FLI1: variants seen among roughly 807,000 people sequenced by gnomAD.
FLI1 encodes Friend leukemia integration 1 transcription factor.
In FLI1, 13 loss-of-function variants were observed where a neutral mutation model predicts 53.1. That is an observed-to-expected ratio of 0.24 (90% CI 0.16 to 0.39). The LOEUF (loss-of-function observed/expected upper bound fraction) is 0.39. Ranked by LOEUF, FLI1 falls within the 10% of genes least tolerant of loss-of-function variation. FLI1 has a pLI of 1.00. For missense variants in FLI1, 424 were observed against 600.5 expected, an observed-to-expected ratio of 0.71 and a Z score of 3.07; for synonymous variants, 244 against 236.7, an observed-to-expected ratio of 1.03 and a Z score of -0.28.
chr11:128,696,651 A>T (rs1323353697), intron 1 of FLI1, among the ~76,000 whole-genome samples: 1 of 152,230 alleles, frequency 6.6e-6, no homozygotes, highest in African/African-American at 2.4e-5. Flanking sequence ...ATCCAGCCCT[A>T]CACTGATCGA....
chr11:128,731,446 A>G (rs1405419363), intron 1 of FLI1, among the ~76,000 whole-genome samples: 3 of 151,538 alleles, frequency 2.0e-5, no homozygotes, highest in South Asian at 2.1e-4. Context: ...CAAGAGGTCA[A>G]GTATGAAAGG....
At chr11:128,787,257 G>A (rs1007480084) in intron 5 of FLI1, among the ~76,000 whole-genome samples, 2 of 152,082 alleles carry the variant, frequency 1.3e-5, no homozygotes, top group African/African-American at 4.8e-5. Flanking sequence ...TGTGCCCTCT[G>A]GTGCCATCAC....
intron 1 of FLI1, among the ~76,000 whole-genome samples, chr11:128,730,102 A>T (rs528523443): frequency 6.6e-6 from 1 of 152,276 alleles, no homozygotes; most frequent in South Asian, 2.1e-4. Flanking sequence ...AAAATCTTGA[A>T]ATCTGGATTC....
intron 3 of FLI1, among the ~76,000 whole-genome samples, chr11:128,769,867 T>C (rs942235840): frequency 6.6e-6 from 1 of 152,210 alleles, no homozygotes; most frequent in Non-Finnish European, 1.5e-5. Flanking sequence ...CCCTCCTCAC[T>C]GAAAGCAGAC....
intron 1 of FLI1, among the ~76,000 whole-genome samples, chr11:128,703,792 G>A (rs1209954521): frequency 1.4e-5 from 2 of 138,502 alleles, no homozygotes; most frequent in East Asian, 2.2e-4. Context: ...GTGGTGAGCC[G>A]AGGTTGCAAC....
At chr11:128,715,452 A>G (rs977416826) in intron 1 of FLI1, among the ~76,000 whole-genome samples, 6 of 152,226 alleles carry the variant, frequency 3.9e-5, no homozygotes, top group Admixed American at 1.3e-4. Context: ...TGAAGGACTG[A>G]AAAAGTTGAG....
chr11:128,797,746 T>A (rs967622006), intron 5 of FLI1, among the ~76,000 whole-genome samples: 1 of 152,076 alleles, frequency 6.6e-6, no homozygotes, highest in African/African-American at 2.4e-5. Flanking sequence ...TTAAATCCAA[T>A]AAGTTGGTGA....
intron 1 of FLI1, among the ~76,000 whole-genome samples, chr11:128,719,842 C>T (rs900500316): frequency 1.3e-5 from 2 of 152,200 alleles, no homozygotes; most frequent in Admixed American, 1.3e-4. Flanking sequence ...ACATGGAAAA[C>T]CCACCCAAGG....
intron 4 of FLI1, among the ~76,000 whole-genome samples, chr11:128,779,004 A>G (rs1015680044): frequency 6.6e-6 from 1 of 152,244 alleles, no homozygotes; most frequent in Non-Finnish European, 1.5e-5. Flanking sequence ...CTCTCCTTCT[A>G]GGAGTGAAAC....
At chr11:128,794,115 C>T (rs747787321) in intron 5 of FLI1, among the ~76,000 whole-genome samples, 9 of 152,234 alleles carry the variant, frequency 5.9e-5, no homozygotes, top group African/African-American at 1.2e-4. Flanking sequence ...TGACACTACA[C>T]GCTCATCCCA....
At chr11:128,720,815 C>T (rs1939221388) in intron 1 of FLI1, among the ~76,000 whole-genome samples, 1 of 152,228 alleles carries the variant, frequency 6.6e-6, no homozygotes, top group African/African-American at 2.4e-5. Flanking sequence ...CCCCTCACAG[C>T]AACAGGGTCA....
chr11:128,711,825 C>T (rs2135719328), intron 1 of FLI1, among the ~76,000 whole-genome samples: 1 of 152,310 alleles, frequency 6.6e-6, no homozygotes, highest in African/African-American at 2.4e-5. Flanking sequence ...GTTCCCAGAT[C>T]CCTATAACCG....
At chr11:128,735,611 C>T (rs987237887) in intron 1 of FLI1, among the ~76,000 whole-genome samples, 2 of 152,194 alleles carry the variant, frequency 1.3e-5, no homozygotes, top group African/African-American at 2.4e-5. Flanking sequence ...ACATTATCCA[C>T]ATTATCAGAT....
chr11:128,764,087 C>G (rs1427025039), intron 2 of FLI1, among the ~76,000 whole-genome samples: 1 of 152,198 alleles, frequency 6.6e-6, no homozygotes. Flanking sequence ...GACAGTGAGC[C>G]TGGGCTCAGA....
chr11:128,695,448 A>G (rs1938026110), intron 1 of FLI1, among the ~76,000 whole-genome samples: 1 of 152,176 alleles, frequency 6.6e-6, no homozygotes, highest in South Asian at 2.1e-4. Context: ...AGAGCCCGCC[A>G]TTCCCCAGAA....
At chr11:128,725,140 T>C (rs1939420131) in intron 1 of FLI1, among the ~76,000 whole-genome samples, 1 of 152,162 alleles carries the variant, frequency 6.6e-6, no homozygotes, top group South Asian at 2.1e-4. Context: ...AGATGAGTAG[T>C]TTGTTCTGAT....
chr11:128,748,733 A>T (rs570580199), intron 1 of FLI1, among the ~76,000 whole-genome samples: 125 of 152,326 alleles, frequency 8.2e-4, no homozygotes, highest in Non-Finnish European at 1.5e-3. Flanking sequence ...GAGACGGCAA[A>T]GTGGAAACGG....
intron 6 of FLI1, chr11:128,805,671 T>A (rs1049089762): frequency 2.1e-6 from 1 of 468,644 alleles, no homozygotes; most frequent in Non-Finnish European, 3.8e-6. Context: ...ACATGGGAAA[T>A]TTGAAGGTTT....
intron 1 of FLI1, among the ~76,000 whole-genome samples, chr11:128,713,711 G>A (rs1205814819): frequency 6.6e-6 from 1 of 152,146 alleles, no homozygotes; most frequent in Non-Finnish European, 1.5e-5. Flanking sequence ...ACAACGTGGG[G>A]ACCTAACCTA....
Sources: gnomAD v4.1 joint callset for allele counts (sites outside exome capture counted in the v4.1 genomes callset) on GRCh38, gnomAD v4.1.1 for gene constraint, MANE v1.5 for transcripts, NCBI Gene and HGNC (gene_info 2026-07-23, HGNC 2026-07-21) for gene names.